GRIA4: variants seen among roughly 807,000 people sequenced by gnomAD.
GRIA4 encodes glutamate ionotropic receptor AMPA type subunit 4, also known as glutamate receptor 4.
Under a neutral mutation model 104.0 loss-of-function variants are expected in GRIA4, and 34 were observed. That is an observed-to-expected ratio of 0.33 (90% CI 0.25 to 0.44). GRIA4 has a LOEUF of 0.44. Among genes scored for constraint, GRIA4 ranks in the 20% least tolerant of loss-of-function variants. GRIA4 has a pLI of 1.00. For synonymous variants in GRIA4, 386 were observed against 381.9 expected, an observed-to-expected ratio of 1.01 and a Z score of -0.13; for missense variants, 750 against 1,096.5, an observed-to-expected ratio of 0.68 and a Z score of 4.46.
At chr11:105,961,983 T>C (rs1188300013) in intron 14 of GRIA4, among the ~76,000 whole-genome samples, 1 of 152,200 alleles carries the variant, frequency 6.6e-6, no homozygotes, top group African/African-American at 2.4e-5. Context: ...CTGAATATCT[T>C]GTGGGCAGAC....
intron 4 of GRIA4, among the ~76,000 whole-genome samples, chr11:105,851,971 G>A (rs1944828195): frequency 6.6e-6 from 1 of 152,180 alleles, no homozygotes; most frequent in Non-Finnish European, 1.5e-5. Flanking sequence ...TGGATCAGTG[G>A]CCTGAAATGT....
chr11:105,763,746 TG>T (rs1940787763), intron 4 of GRIA4, among the ~76,000 whole-genome samples: 1 of 152,230 alleles, frequency 6.6e-6, no homozygotes, highest in African/African-American at 2.4e-5. Context: ...CATTGCCATT[TG>T]GAAGGTAGAT....
intron 5 of GRIA4, among the ~76,000 whole-genome samples, chr11:105,883,635 C>T (rs1405365870): frequency 4.6e-5 from 7 of 152,118 alleles, no homozygotes; most frequent in Non-Finnish European, 1.0e-4. Context: ...CATAGTATTC[C>T]ATGGTGTATA....
At chr11:105,895,613 GGGAT>G (rs1317397403) in intron 6 of GRIA4, among the ~76,000 whole-genome samples, 16 of 151,686 alleles carry the variant, frequency 1.1e-4, no homozygotes, top group African/African-American at 3.9e-4. Flanking sequence ...ATACATGAGA[GGGAT>G]GGAGGGAGGG....
At chr11:105,979,322 C>T (rs1859154131) in intron 16 of GRIA4, among the ~76,000 whole-genome samples, 1 of 152,166 alleles carries the variant, frequency 6.6e-6, no homozygotes, top group African/African-American at 2.4e-5. Context: ...GATTTACTAA[C>T]AGTAGTTAAA....
chr11:105,965,797 G>A, intron 14 of GRIA4: 1 of 654,696 alleles, frequency 1.5e-6, no homozygotes, highest in South Asian at 1.7e-5. Context: ...ATTGCCTTTG[G>A]TTTGGACTCC....
chr11:105,853,816 A>G (rs557762850), intron 4 of GRIA4, among the ~76,000 whole-genome samples: 2 of 152,210 alleles, frequency 1.3e-5, no homozygotes, highest in South Asian at 4.1e-4. Context: ...GTGACAGGAG[A>G]TTTGGCATTA....
chr11:105,649,088 T>A (rs1951614738), intron 3 of GRIA4, among the ~76,000 whole-genome samples: 1 of 152,142 alleles, frequency 6.6e-6, no homozygotes, highest in Non-Finnish European at 1.5e-5. Context: ...AAAGTTCCCT[T>A]GCTACTTACA....
intron 4 of GRIA4, among the ~76,000 whole-genome samples, chr11:105,813,852 A>C: frequency 6.6e-6 from 1 of 152,162 alleles, no homozygotes; most frequent in Admixed American, 6.5e-5. Context: ...TGAAAAAAAT[A>C]AATAAGAGGA....
intron 7 of GRIA4, among the ~76,000 whole-genome samples, chr11:105,902,137 T>C (rs1326434533): frequency 6.6e-6 from 1 of 152,194 alleles, no homozygotes; most frequent in Non-Finnish European, 1.5e-5. Flanking sequence ...CCTGGGGGAA[T>C]ATATAGGAAA....
In GRIA4 at chr11:105,910,389, T is replaced by C. The variant is rs776542092; in HGVS notation, c.1159-46T>C. ...TTCATTTTTCTAAGAAGAACTAGAG[T>C]AAATGCTTCTAAAATATGTTTTCAA... On this transcript the variant is annotated intron_variant, in intron 9 of 16. Transcript: ENST00000282499. The C allele has an allele frequency of 1.5e-5, 14 of 907,612 alleles. No homozygotes were observed. In the Admixed American group the frequency reaches 2.4e-4, roughly 16 times the overall value. The allele number at this position is 907,612 out of a possible 1,614,324, so 56.2% of individuals were successfully genotyped here. A position where few individuals can be genotyped will look rare whatever the true frequency, so the allele number is the denominator to read the frequency against.
chr11:105,864,352 C>T (rs1481804932), intron 5 of GRIA4, among the ~76,000 whole-genome samples: 2 of 152,084 alleles, frequency 1.3e-5, no homozygotes, highest in African/African-American at 2.4e-5. Flanking sequence ...GGGGTTTGTA[C>T]GTGTATCTTA....
intron 4 of GRIA4, among the ~76,000 whole-genome samples, chr11:105,829,936 G>A (rs1305605931): frequency 6.6e-6 from 1 of 151,932 alleles, no homozygotes; most frequent in Non-Finnish European, 1.5e-5. Context: ...ATAGAAGCCT[G>A]CAGAAAATTA....
intron 4 of GRIA4, among the ~76,000 whole-genome samples, chr11:105,853,252 G>A (rs1944884845): frequency 6.6e-6 from 1 of 152,106 alleles, no homozygotes. Flanking sequence ...TTAGAATGGA[G>A]TCCTTTCTGA....
chr11:105,965,689 A>T (rs1017902203), intron 14 of GRIA4, among the ~76,000 whole-genome samples: 2 of 152,014 alleles, frequency 1.3e-5, no homozygotes, highest in East Asian at 3.9e-4. Flanking sequence ...AAAAAAATCC[A>T]TGTAATTGAT....
At chr11:105,873,724 A>C (rs1945709459) in intron 5 of GRIA4, among the ~76,000 whole-genome samples, 1 of 152,104 alleles carries the variant, frequency 6.6e-6, no homozygotes, top group Non-Finnish European at 1.5e-5. Flanking sequence ...TCTTCTTTTG[A>C]GAAGTGTCTG....
In GRIA4 at chr11:105,855,624, T is replaced by A. The variant is rs577559427; in HGVS notation, c.488-6400T>A. ...CTATTTGAGTTTAAAATTATTCAAATTTTTCAAAAATGCTTTACTTAAAAT... is the reference window on the plus strand; with the variant it reads ...CTATTTGAGTTTAAAATTATTCAAAATTTTCAAAAATGCTTTACTTAAAAT... On this transcript the variant is annotated intron_variant, in intron 4 of 16. Coordinates refer to ENST00000282499, the MANE Select transcript of GRIA4 (RefSeq NM_000829.4). 4.6e-5 allele frequency among the ~76,000 whole-genome samples: 7 copies of A among 152,270 alleles called. No homozygotes were observed. In the South Asian group the frequency reaches 1.0e-3, roughly 23 times the overall value.
chr11:105,960,767 GT>G (rs1276288526), intron 14 of GRIA4, among the ~76,000 whole-genome samples: 3 of 152,224 alleles, frequency 2.0e-5, no homozygotes, highest in African/African-American at 7.2e-5. Context: ...GGGTTCGCGA[GT>G]GGGACCTTCC....
intron 3 of GRIA4, among the ~76,000 whole-genome samples, chr11:105,739,558 T>C (rs1040599807): frequency 6.6e-6 from 1 of 152,170 alleles, no homozygotes; most frequent in Non-Finnish European, 1.5e-5. Flanking sequence ...AGTAACTTTA[T>C]GTACTGTAGC....
Sources: allele counts gnomAD v4.1 joint callset (sites outside exome capture counted in the v4.1 genomes callset), GRCh38; gene constraint gnomAD v4.1.1; transcripts MANE v1.5; gene names NCBI Gene and HGNC (gene_info 2026-07-23, HGNC 2026-07-21).